KLHL15: variants seen among roughly 807,000 people sequenced by gnomAD.
The protein encoded by KLHL15 is kelch like family member 15, also known as kelch-like protein 15.
In KLHL15, 1 loss-of-function variant was observed where a neutral mutation model predicts 29.3. The observed-to-expected ratio is 0.03, with a 90% confidence interval of 0.01 to 0.16. The LOEUF (loss-of-function observed/expected upper bound fraction) is 0.16, where lower values mean the gene tolerates loss of function less well. Ranked by LOEUF, KLHL15 falls within the 10% of genes least tolerant of loss-of-function variation. The pLI, the probability that KLHL15 is intolerant of heterozygous loss-of-function variation, is 1.00. For synonymous variants in KLHL15, 212 were observed against 184.5 expected (o/e 1.15, Z -1.21); for missense variants, 215 against 478.5 (o/e 0.45, Z 5.14).
At chrX:23,990,782 TCTC>T (rs1929066700) in intron 3 of KLHL15, among the ~76,000 whole-genome samples, 1 of 110,266 alleles carries the variant, frequency 9.1e-6, no homozygotes, top group South Asian at 3.9e-4. Context: ...CCCCCTTCCT[TCTC>T]CTCTCTTTCC....
intron 2 of KLHL15, among the ~76,000 whole-genome samples, chrX:24,014,095 TA>T (rs11340896): frequency 0.089 from 7,867 of 88,813 alleles, 381 homozygotes; most frequent in South Asian, 0.2. Context: ...CTAACAAAAT[TA>T]AAAAAAAAAA....
chrX:24,005,124 G>C (rs926895331), intron 3 of KLHL15, among the ~76,000 whole-genome samples: 2 of 111,751 alleles, frequency 1.8e-5, no homozygotes, highest in Non-Finnish European at 3.8e-5. Context: ...GAAGTAAACA[G>C]AGCCCCAGAG....
chrX:24,002,231 A>T (rs760526035), intron 3 of KLHL15, among the ~76,000 whole-genome samples: 32 of 112,647 alleles, frequency 2.8e-4, no homozygotes, highest in African/African-American at 9.0e-4. Context: ...TAAAACAATC[A>T]TTGTTTTTTA....
chrX:24,007,702 T>C (rs1206918823), intron 2 of KLHL15, among the ~76,000 whole-genome samples: 1 of 108,424 alleles, frequency 9.2e-6, no homozygotes, highest in African/African-American at 3.3e-5. Flanking sequence ...AACTAAAAAG[T>C]ATACCTGAAA....
intron 2 of KLHL15, among the ~76,000 whole-genome samples, chrX:24,018,669 C>A (rs1048318739): frequency 2.7e-5 from 3 of 111,375 alleles, no homozygotes; most frequent in African/African-American, 6.5e-5. Context: ...ACTAAAGGGG[C>A]TTCCCAATGT....
intron 2 of KLHL15, among the ~76,000 whole-genome samples, chrX:24,016,799 T>G (rs769943525): frequency 4.5e-5 from 5 of 111,564 alleles, no homozygotes; most frequent in Admixed American, 1.9e-4. Flanking sequence ...TAAGGCTTAT[T>G]ATCATGCCCC....
At chrX:23,990,412 TAAG>T (rs1324315129) in intron 3 of KLHL15, among the ~76,000 whole-genome samples, 6 of 111,001 alleles carry the variant, frequency 5.4e-5, no homozygotes, top group Non-Finnish European at 1.1e-4. Context: ...GTGGAAGATA[TAAG>T]AAGTAGGGGA....
At chrX:24,013,451 G>A (rs1269350264) in intron 2 of KLHL15, among the ~76,000 whole-genome samples, 1 of 109,847 alleles carries the variant, frequency 9.1e-6, no homozygotes, top group Non-Finnish European at 1.9e-5. Context: ...TTTTAGTAGA[G>A]AAGGAGTTTC....
chrX:23,991,887 G>C (rs1338629385), intron 3 of KLHL15, among the ~76,000 whole-genome samples: 2 of 111,889 alleles, frequency 1.8e-5, no homozygotes, highest in Non-Finnish European at 3.8e-5. Context: ...AAACAAAACT[G>C]AGTATTTTCC....
chrX:23,993,953 G>A (rs1268208355), intron 3 of KLHL15, among the ~76,000 whole-genome samples: 1 of 107,673 alleles, frequency 9.3e-6, no homozygotes, highest in African/African-American at 3.4e-5. Flanking sequence ...GGATGAAGTG[G>A]GAGAATCGAA....
intron 2 of KLHL15, among the ~76,000 whole-genome samples, chrX:24,021,091 C>T (rs1388650143): frequency 8.9e-6 from 1 of 112,028 alleles, no homozygotes; most frequent in African/African-American, 3.2e-5. Context: ...TTCTTACTTG[C>T]AAAGTTAAAA....
chrX:24,023,944 G>A (rs1470623519), intron 2 of KLHL15, among the ~76,000 whole-genome samples: 1 of 112,083 alleles, frequency 8.9e-6, no homozygotes, highest in Non-Finnish European at 1.9e-5. Flanking sequence ...ATGAAAAACA[G>A]GCATTAAAAT....
intron 2 of KLHL15, among the ~76,000 whole-genome samples, chrX:24,009,761 G>T (rs1204318463): frequency 9.4e-6 from 1 of 106,633 alleles, no homozygotes; most frequent in Non-Finnish European, 1.9e-5. Context: ...AGGCTGAGGA[G>T]GGTGTATCAC....
chrX:23,994,969 G>A (rs1290832687), intron 3 of KLHL15, among the ~76,000 whole-genome samples: 1 of 111,032 alleles, frequency 9.0e-6, no homozygotes, highest in Admixed American at 9.7e-5. Context: ...GAGCCACCTT[G>A]CCCAGCCTGA....
intron 3 of KLHL15, among the ~76,000 whole-genome samples, chrX:23,990,110 C>T (rs1261869013): frequency 9.1e-6 from 1 of 110,084 alleles, no homozygotes; most frequent in Non-Finnish European, 1.9e-5. Flanking sequence ...CCAGCCTGGG[C>T]AAACAAAGCA....
intron 1 of KLHL15, among the ~76,000 whole-genome samples, chrX:24,025,877 G>C (rs2147114534): frequency 9.1e-6 from 1 of 109,612 alleles, no homozygotes; most frequent in South Asian, 4.1e-4. Flanking sequence ...CGGCGCCGCC[G>C]TCGGGGCTGA....
rs1278925427 is a variant in KLHL15 at position 23,988,804 on chromosome X, T to C, written c.932A>G (p.Glu311Gly). The change falls in exon 4 of 4, where the codon GAA becomes GGA. Residue 311 changes from glutamate (E) to glycine (G), a missense_variant. Coordinates refer to ENST00000328046, the MANE Select transcript of KLHL15 (RefSeq NM_030624.3). ...AGGTCGCAGAGGTACTTGTGGGCCT[T>C]CTAGCTCCCACCAGACTCTTGGTTT... ...LKKPRVWWELEGPQVPLRPDC... is the reference protein window; with the variant it reads ...LKKPRVWWELGGPQVPLRPDC... 2 of 1,211,852 alleles carry C rather than the reference T, an allele frequency of 1.7e-6. No individual in the cohort carries two copies. Among genetic ancestry groups the C allele is most frequent in the Non-Finnish European group, 2.2e-6 (2 of 895,534 alleles).
chrX:24,017,506 C>T (rs775081533), intron 2 of KLHL15, among the ~76,000 whole-genome samples: 2 of 110,495 alleles, frequency 1.8e-5, no homozygotes, highest in African/African-American at 3.3e-5. Context: ...CAGAGTCAGG[C>T]GCAGTGGCTC....
At position 23,997,926 on chromosome X, in the gene KLHL15, C is replaced by A. The variant is rs763802780; in HGVS notation, c.705+8063G>T. Among the ~76,000 whole-genome samples the A allele has an allele frequency of 1.9e-3, 208 of 108,085 alleles. 2 individuals carry two copies. Among genetic ancestry groups the A allele is most frequent in the Non-Finnish European group, 2.0e-3 (102 of 52,158 alleles). 93.9% of individuals were successfully genotyped at this position (108,085 alleles called of 115,157 possible). ...ACAACACAGCAAAACCCCATCCCTA[C>A]CAAAAAAACAAACAAAAAACCCTAA... On this transcript the variant is annotated intron_variant, in intron 3 of 3. Transcript: ENST00000328046.
Sources: gnomAD v4.1 joint callset for allele counts (sites outside exome capture counted in the v4.1 genomes callset) on GRCh38, gnomAD v4.1.1 for gene constraint, MANE v1.5 for transcripts, NCBI Gene and HGNC (gene_info 2026-07-23, HGNC 2026-07-21) for gene names.